TMEM232: variants seen among roughly 807,000 people sequenced by gnomAD.
TMEM232 encodes the protein transmembrane protein 232.
TMEM232 carries 80 observed loss-of-function variants against 78.8 expected under a neutral mutation model. The ratio of observed to expected loss-of-function variants is 1.01; its 90% CI spans 0.85 to 1.22. The LOEUF is 1.22. TMEM232 is among the 50% of genes most tolerant of loss of function. The pLI is 0.00. For synonymous variants in TMEM232, 297 were observed against 254.3 expected (o/e 1.17, Z -1.60); for missense variants, 881 against 742.2 (o/e 1.19, Z -2.17).
chr5:110,631,508 G>T (rs957661251), intron 5 of TMEM232, among the ~76,000 whole-genome samples: 6 of 152,092 alleles, frequency 3.9e-5, no homozygotes, highest in African/African-American at 1.4e-4. Flanking sequence ...CATGCATAGG[G>T]ATTCTCTCTC....
intron 1 of TMEM232, 92 bp downstream of exon 1, chr5:110,726,535 T>A (rs1477317332): frequency 6.6e-6 from 1 of 152,164 alleles, no homozygotes; most frequent in Non-Finnish European, 1.5e-5. Flanking sequence ...CCTGTGAGGA[T>A]CTTTGTGGGT....
intron 10 of TMEM232, among the ~76,000 whole-genome samples, chr5:110,576,342 T>C (rs541805462): frequency 6.6e-6 from 1 of 152,152 alleles, no homozygotes; most frequent in East Asian, 1.9e-4. Context: ...GTGAAAGATC[T>C]CTACAAGGAG....
chr5:110,629,166 T>C (rs956968615), intron 5 of TMEM232, among the ~76,000 whole-genome samples: 2 of 152,138 alleles, frequency 1.3e-5, no homozygotes, highest in Non-Finnish European at 2.9e-5. Flanking sequence ...CTCTCATAGA[T>C]ATAGACAATG....
intron 2 of TMEM232, among the ~76,000 whole-genome samples, chr5:110,406,557 A>C (rs1016082203): frequency 6.6e-6 from 1 of 152,096 alleles, no homozygotes; most frequent in Non-Finnish European, 1.5e-5. Context: ...TGATGGATAA[A>C]GTCCTTCACA....
intron 1 of TMEM232, among the ~76,000 whole-genome samples, chr5:110,705,845 A>G (rs1428233870): frequency 2.0e-5 from 3 of 151,460 alleles, no homozygotes; most frequent in African/African-American, 7.3e-5. Flanking sequence ...GAAGAATGGT[A>G]CTGTCCCCAA....
chr5:110,520,050 T>TATAGAGAGAG lies in TMEM232; in HGVS notation c.1703+8537_1703+8538insCTCTCTCTAT, dbSNP rs374219408. On this transcript the variant is annotated intron_variant, in intron 12 of 13. Coordinates refer to ENST00000455884, the MANE Select transcript of TMEM232 (RefSeq NM_001039763.4). ...TTATATATTTATGTATATATATATATAGAGAGAGAGAGAGAGAGGATTAGG... is the reference window on the plus strand; with the variant it reads ...TTATATATTTATGTATATATATATATATAGAGAGAGAGAGAGAGAGAGAGAGAGGATTAGG... 8.9e-3 allele frequency among the ~76,000 whole-genome samples: 1,310 copies of TATAGAGAGAG among 147,242 alleles called. 8 individuals carry two copies. The highest frequency in any genetic ancestry group is 0.021 in the African/African-American group (828 of 39,886).
In TMEM232 at chr5:110,587,681, ATATATATATATGTGTGTGTGTG is replaced by A. The variant is rs1185128602; in HGVS notation, c.1276+17406_1276+17427del. Among the ~76,000 whole-genome samples the A allele has an allele frequency of 3.3e-3, 348 of 105,616 alleles. 1 individual carries two copies. Among genetic ancestry groups the A allele is most frequent in the African/African-American group, 0.011 (232 of 21,486 alleles). 69.3% of individuals were successfully genotyped at this position (105,616 alleles called of 152,430 possible). ...CATGTATGTATATATATATATATAT[ATATATATATATGTGTGTGTGTG>A]TGTGTGTGTGTGTGTGTGTGTGTGT... On this transcript the variant is annotated intron_variant, in intron 10 of 13. Transcript: ENST00000455884.
rs146974751 is a variant in TMEM232, at chr5:110,441,663, T to C, written c.1704-16747A>G. On this transcript the variant is annotated intron_variant, in intron 12 of 13. Transcript: ENST00000455884. ...TGTCTTACTAGCTAACTCTTAATTC[T>C]TGGCTTTTATGCTGTGATAAATTGA... Among the ~76,000 whole-genome samples the C allele has an allele frequency of 7.4e-3, 1,126 of 152,300 alleles. 8 individuals are homozygous for C. Among genetic ancestry groups the C allele is most frequent in the Non-Finnish European group, 8.3e-3 (567 of 68,020 alleles).
At chr5:110,630,588 A>G (rs1366279876) in intron 5 of TMEM232, among the ~76,000 whole-genome samples, 2 of 152,062 alleles carry the variant, frequency 1.3e-5, no homozygotes, top group African/African-American at 4.8e-5. Context: ...CTTCTCTAAC[A>G]TGTGAAGATA....
intron 10 of TMEM232, among the ~76,000 whole-genome samples, chr5:110,586,008 T>C (rs1010868578): frequency 9.9e-5 from 15 of 152,136 alleles, no homozygotes; most frequent in South Asian, 2.1e-4. Flanking sequence ...TTCTGACTTA[T>C]AGGTCAACTT....
intron 12 of TMEM232, among the ~76,000 whole-genome samples, chr5:110,451,265 C>A (rs1760245469): frequency 6.6e-6 from 1 of 152,024 alleles, no homozygotes; most frequent in African/African-American, 2.4e-5. Flanking sequence ...TCTTTAAATC[C>A]CAAATTCCTT....
intron 13 of TMEM232, among the ~76,000 whole-genome samples, chr5:110,421,426 TA>T (rs1756632284): frequency 6.6e-6 from 1 of 151,534 alleles, no homozygotes; most frequent in African/African-American, 2.4e-5. Flanking sequence ...AATATATATA[TA>T]TATATAATTA....
upstream of TMEM232, among the ~76,000 whole-genome samples, chr5:110,730,381 A>G (rs1798563358): frequency 6.6e-6 from 1 of 152,242 alleles, no homozygotes; most frequent in African/African-American, 2.4e-5. Flanking sequence ...AACTTTCTAG[A>G]TGACAATTTC....
At chr5:110,485,624 G>A (rs540178678) in intron 12 of TMEM232, among the ~76,000 whole-genome samples, 3 of 152,200 alleles carry the variant, frequency 2.0e-5, no homozygotes, top group Admixed American at 6.6e-5. Flanking sequence ...CCAGGTCACT[G>A]CAAATGCTGT....
intron 12 of TMEM232, among the ~76,000 whole-genome samples, chr5:110,493,731 CAT>C (rs1176261145): frequency 6.6e-6 from 1 of 151,752 alleles, no homozygotes; most frequent in Non-Finnish European, 1.5e-5. Context: ...AGTACAGACA[CAT>C]ATTTTTTATG....
At chr5:110,499,042 C>A (rs1429702654) in intron 12 of TMEM232, among the ~76,000 whole-genome samples, 1 of 151,356 alleles carries the variant, frequency 6.6e-6, no homozygotes, top group Non-Finnish European at 1.5e-5. Context: ...TAAACAACTG[C>A]TAAATATAAA....
intron 8 of TMEM232, among the ~76,000 whole-genome samples, chr5:110,610,273 G>GAGGAAGGGAGGAAGGGAGGAAGGGA (rs1782084390): frequency 2.5e-4 from 2 of 7,880 alleles, no homozygotes; most frequent in Non-Finnish European, 7.2e-4. Flanking sequence ...GGAGGAAGGT[G>GAGGAAGGGAGGAAGGGAGGAAGGGA]GGTGGGTGAA....
chr5:110,603,979 C>T (rs1429616610), intron 10 of TMEM232, among the ~76,000 whole-genome samples: 1 of 152,116 alleles, frequency 6.6e-6, no homozygotes, highest in Non-Finnish European at 1.5e-5. Context: ...CAATATCTTA[C>T]TTCTTTAAAT....
intron 10 of TMEM232, among the ~76,000 whole-genome samples, chr5:110,574,960 G>C (rs1194605216): frequency 6.6e-6 from 1 of 152,040 alleles, no homozygotes; most frequent in Non-Finnish European, 1.5e-5. Flanking sequence ...GTGTTAGAAG[G>C]GAGGGTGGTT....
Sources: gnomAD v4.1 joint callset for allele counts (sites outside exome capture counted in the v4.1 genomes callset) on GRCh38, gnomAD v4.1.1 for gene constraint, MANE v1.5 for transcripts, NCBI Gene and HGNC (gene_info 2026-07-23, HGNC 2026-07-21) for gene names.